The following KLF8 variants were observed in gnomAD, a reference collection of about 807,000 sequenced individuals.
KLF8 encodes Krueppel-like factor 8.
KLF8 carries 10 observed loss-of-function variants against 18.2 expected under a neutral mutation model. That is an observed-to-expected ratio of 0.55 (90% CI 0.34 to 0.93). KLF8 has a LOEUF of 0.93. KLF8 is among the 40% of genes least tolerant of loss of function. KLF8 has a pLI of 0.02. For missense variants in KLF8, 264 were observed against 277.9 expected (o/e 0.95, Z 0.36); for synonymous variants, 109 against 97.3 (o/e 1.12, Z -0.71).
the KLF8 span, among the ~76,000 whole-genome samples, chrX:55,999,781 A>G: frequency 9.0e-6 from 1 of 111,360 alleles, no homozygotes; most frequent in Non-Finnish European, 1.9e-5. Context: ...GTATAAGATC[A>G]TATCATTGGC....
At chrX:56,057,398 G>A in the KLF8 span, among the ~76,000 whole-genome samples, 8 of 111,366 alleles carry the variant, frequency 7.2e-5, no homozygotes, top group African/African-American at 2.6e-4. Flanking sequence ...CATGCATAGA[G>A]GTGCACTGAC....
At chrX:56,279,963 T>C (rs1357352891) in intron 5 of KLF8, among the ~76,000 whole-genome samples, 1 of 111,782 alleles carries the variant, frequency 8.9e-6, no homozygotes, top group Non-Finnish European at 1.9e-5. Context: ...CTCCAAAGAT[T>C]GTGATTCATT....
At chrX:56,083,046 T>C in the KLF8 span, among the ~76,000 whole-genome samples, 3 of 111,814 alleles carry the variant, frequency 2.7e-5, no homozygotes, top group Non-Finnish European at 5.6e-5. Context: ...TTAATTAAGT[T>C]TCTTGGATTT....
the KLF8 span, among the ~76,000 whole-genome samples, chrX:56,184,153 C>T: frequency 8.0e-5 from 9 of 112,226 alleles, no homozygotes; most frequent in African/African-American, 1.9e-4. Flanking sequence ...CCTGGAAAAT[C>T]GGGTCACTCC....
At chrX:55,950,656 A>C in the KLF8 span, among the ~76,000 whole-genome samples, 1 of 111,839 alleles carries the variant, frequency 8.9e-6, no homozygotes, top group Non-Finnish European at 1.9e-5. Flanking sequence ...AGCCCCTGGA[A>C]AAATCCTACT....
chrX:56,233,430 A>C, intron 1 of KLF8, 89 bp downstream of exon 1: 1 of 719,173 alleles, frequency 1.4e-6, no homozygotes, highest in Non-Finnish European at 2.2e-6. Flanking sequence ...CCCCCCACAC[A>C]CCCCACTTGG....
At chrX:56,017,587 G>A in the KLF8 span, among the ~76,000 whole-genome samples, 1 of 112,168 alleles carries the variant, frequency 8.9e-6, no homozygotes, top group Non-Finnish European at 1.9e-5. Flanking sequence ...TTCCCCCAGT[G>A]CACTGGATGT....
the KLF8 span, among the ~76,000 whole-genome samples, chrX:56,079,754 A>G: frequency 5.5e-5 from 6 of 108,606 alleles, no homozygotes; most frequent in African/African-American, 2.0e-4. Flanking sequence ...GAGGTGTTAA[A>G]GTCTCCCATT....
At chrX:56,092,151 C>A in the KLF8 span, among the ~76,000 whole-genome samples, 1 of 110,290 alleles carries the variant, frequency 9.1e-6, no homozygotes, top group African/African-American at 3.3e-5. Context: ...TGTCCTTTGC[C>A]CATTTTTAAA....
the KLF8 span, among the ~76,000 whole-genome samples, chrX:55,983,781 A>G: frequency 5.4e-5 from 6 of 110,551 alleles, no homozygotes; most frequent in Admixed American, 9.7e-5. Flanking sequence ...CTCTTCCAGT[A>G]TCCCCCGTTC....
the KLF8 span, among the ~76,000 whole-genome samples, chrX:56,050,227 T>C: frequency 1.8e-5 from 2 of 111,692 alleles, no homozygotes; most frequent in African/African-American, 6.5e-5. Context: ...AGCTCCTGGA[T>C]TCATTAATTT....
At chrX:56,022,672 C>A in the KLF8 span, among the ~76,000 whole-genome samples, 135 of 109,881 alleles carry the variant, frequency 1.2e-3, no homozygotes, top group Non-Finnish European at 2.3e-3. Flanking sequence ...CCACAGCAGC[C>A]CTGAAAATCA....
At chrX:56,096,900 A>G in the KLF8 span, among the ~76,000 whole-genome samples, 1 of 111,620 alleles carries the variant, frequency 9.0e-6, no homozygotes, top group Non-Finnish European at 1.9e-5. Flanking sequence ...ATTCGAGGGC[A>G]TTAAAATGAC....
At chrX:55,951,952 G>A in the KLF8 span, among the ~76,000 whole-genome samples, 1 of 111,894 alleles carries the variant, frequency 8.9e-6, no homozygotes, top group South Asian at 3.8e-4. Flanking sequence ...TCAGAGTTGT[G>A]TTTCTGAGGG....
the KLF8 span, among the ~76,000 whole-genome samples, chrX:56,087,194 C>T: frequency 9.0e-6 from 1 of 111,060 alleles, no homozygotes; most frequent in African/African-American, 3.3e-5. Flanking sequence ...GTCATTCATT[C>T]ACCAGATGTT....
chrX:56,083,912 T>A, the KLF8 span, among the ~76,000 whole-genome samples: 1 of 111,318 alleles, frequency 9.0e-6, no homozygotes, highest in African/African-American at 3.3e-5. Flanking sequence ...ATGGAAAAAA[T>A]TGTCTTCCAG....
intron 5 of KLF8, 137 bp downstream of exon 5, chrX:56,270,458 G>A: frequency 1.3e-6 from 1 of 756,367 alleles, no homozygotes; most frequent in Non-Finnish European, 1.8e-6. Flanking sequence ...CTGAGAGACA[G>A]AGAATGAAGT....
the KLF8 span, among the ~76,000 whole-genome samples, chrX:55,994,075 G>A: frequency 6.4e-5 from 7 of 108,988 alleles, no homozygotes; most frequent in Admixed American, 9.8e-5. Context: ...CATGTCCGGC[G>A]AATTTTTTGT....
the KLF8 span, among the ~76,000 whole-genome samples, chrX:55,936,806 C>T: frequency 9.2e-6 from 1 of 109,225 alleles, no homozygotes; most frequent in Non-Finnish European, 1.9e-5. Flanking sequence ...CATCAAACTG[C>T]AAGTCGGCAG....
Sources: allele counts gnomAD v4.1 joint callset (sites outside exome capture counted in the v4.1 genomes callset), GRCh38; gene constraint gnomAD v4.1.1; transcripts MANE v1.5; gene names NCBI Gene and HGNC (gene_info 2026-07-23, HGNC 2026-07-21).